TMTC2: variants seen among roughly 807,000 people sequenced by gnomAD.
The protein encoded by TMTC2 is protein O-mannosyl-transferase TMTC2.
A neutral mutation model predicts 82.4 loss-of-function variants in TMTC2; 43 were observed. That is an observed-to-expected ratio of 0.52 (90% CI 0.41 to 0.67). TMTC2 has a LOEUF of 0.67. Ranked by LOEUF, TMTC2 falls within the 30% of genes least tolerant of loss-of-function variation. The probability of loss-of-function intolerance (pLI) is 0.00; values close to 1 mark genes in which losing one functional copy is unlikely to be tolerated. For missense variants in TMTC2, 919 were observed against 1,012.4 expected (o/e 0.91, Z 1.25); for synonymous variants, 408 against 381.9 (o/e 1.07, Z -0.80).
At chr12:82,797,395 T>C (rs1190494212) in intron 1 of TMTC2, among the ~76,000 whole-genome samples, 1 of 152,152 alleles carries the variant, frequency 6.6e-6, no homozygotes, top group Non-Finnish European at 1.5e-5. Flanking sequence ...TGTTATGTAC[T>C]TCAGAGAAAT....
chr12:82,926,451 T>G (rs889123961), intron 3 of TMTC2, among the ~76,000 whole-genome samples: 1 of 152,180 alleles, frequency 6.6e-6, no homozygotes, highest in South Asian at 2.1e-4. Context: ...TTCATTAGGT[T>G]GAAGGAAAGA....
chr12:83,118,947 G>A (rs896555283), intron 11 of TMTC2, among the ~76,000 whole-genome samples: 1 of 152,096 alleles, frequency 6.6e-6, no homozygotes, highest in Non-Finnish European at 1.5e-5. Context: ...GTACATAAAC[G>A]TGTTCATAGT....
intron 11 of TMTC2, among the ~76,000 whole-genome samples, chr12:83,120,686 G>T (rs1884920510): frequency 6.6e-6 from 1 of 152,070 alleles, no homozygotes; most frequent in African/African-American, 2.4e-5. Flanking sequence ...TCTTGTATTT[G>T]GTTGTCTAGG....
intron 8 of TMTC2, among the ~76,000 whole-genome samples, chr12:83,006,998 T>C (rs781702469): frequency 6.6e-6 from 1 of 152,110 alleles, no homozygotes; most frequent in Non-Finnish European, 1.5e-5. Context: ...AATGACGAGT[T>C]GATGGGTGCT....
intron 1 of TMTC2, among the ~76,000 whole-genome samples, chr12:82,805,200 G>A (rs1879185395): frequency 6.6e-6 from 1 of 152,094 alleles, no homozygotes; most frequent in Non-Finnish European, 1.5e-5. Context: ...TGCTGAGAAA[G>A]GTAAAAATAC....
At chr12:82,892,298 A>G (rs1018744931) in intron 2 of TMTC2, among the ~76,000 whole-genome samples, 18 of 151,986 alleles carry the variant, frequency 1.2e-4, no homozygotes, top group Non-Finnish European at 2.6e-4. Flanking sequence ...TTTTTATGTC[A>G]TTTTCATTTT....
At chr12:82,755,646 G>A (rs1876268447) in intron 1 of TMTC2, among the ~76,000 whole-genome samples, 1 of 152,120 alleles carries the variant, frequency 6.6e-6, no homozygotes, top group African/African-American at 2.4e-5. Flanking sequence ...GAATCCTGAG[G>A]ACCTAGTCTG....
At chr12:82,905,244 A>G (rs924348649) in intron 3 of TMTC2, among the ~76,000 whole-genome samples, 2 of 152,200 alleles carry the variant, frequency 1.3e-5, no homozygotes, top group Non-Finnish European at 2.9e-5. Flanking sequence ...AAAGTTATAG[A>G]TAAGCAGATC....
chr12:82,735,853 G>A (rs963620946), intron 1 of TMTC2, among the ~76,000 whole-genome samples: 6 of 151,940 alleles, frequency 3.9e-5, no homozygotes, highest in Non-Finnish European at 5.9e-5. Flanking sequence ...TGGCGTGGTG[G>A]TAGGCACTAC....
intron 1 of TMTC2, among the ~76,000 whole-genome samples, chr12:82,780,177 G>T (rs1353759395): frequency 6.6e-6 from 1 of 152,148 alleles, no homozygotes; most frequent in East Asian, 1.9e-4. Flanking sequence ...CACAGTATAA[G>T]ATTTTTGCTA....
At chr12:82,845,513 A>G (rs1478723132) in intron 1 of TMTC2, among the ~76,000 whole-genome samples, 4 of 151,888 alleles carry the variant, frequency 2.6e-5, no homozygotes, top group Admixed American at 1.3e-4. Context: ...TATCCCTTCT[A>G]GTTGTTTCTA....
intron 2 of TMTC2, among the ~76,000 whole-genome samples, chr12:82,859,949 A>G (rs1592581279): frequency 6.6e-6 from 1 of 152,154 alleles, no homozygotes; most frequent in East Asian, 1.9e-4. Flanking sequence ...AACATTGGAG[A>G]TAACACATTT....
intron 1 of TMTC2, among the ~76,000 whole-genome samples, chr12:82,852,640 G>A (rs1194853883): frequency 3.9e-5 from 6 of 152,138 alleles, no homozygotes; most frequent in Admixed American, 6.5e-5. Context: ...TGTTTCATTA[G>A]CTGTGAAACA....
At chr12:82,768,126 G>A (rs979781747) in intron 1 of TMTC2, among the ~76,000 whole-genome samples, 7 of 152,150 alleles carry the variant, frequency 4.6e-5, no homozygotes, top group East Asian at 1.9e-4. Context: ...GTACAGGAGC[G>A]CTAATTGATA....
chr12:83,127,446 C>G (rs1345450552), intron 11 of TMTC2, among the ~76,000 whole-genome samples: 1 of 152,024 alleles, frequency 6.6e-6, no homozygotes, highest in Non-Finnish European at 1.5e-5. Flanking sequence ...CAATGGGATA[C>G]AAGAGAGCCC....
intron 1 of TMTC2, among the ~76,000 whole-genome samples, chr12:82,794,059 G>A: frequency 6.6e-6 from 1 of 152,216 alleles, no homozygotes; most frequent in East Asian, 1.9e-4. Flanking sequence ...GCTCCAGGGT[G>A]CTTCAGTCAC....
chr12:82,954,127 A>G (rs1877488966), intron 4 of TMTC2, among the ~76,000 whole-genome samples: 1 of 152,120 alleles, frequency 6.6e-6, no homozygotes, highest in South Asian at 2.1e-4. Flanking sequence ...GATGCTTCCT[A>G]CATAGATTTT....
intron 2 of TMTC2, among the ~76,000 whole-genome samples, chr12:82,873,116 G>T (rs561896053): frequency 6.6e-6 from 1 of 152,042 alleles, no homozygotes; most frequent in East Asian, 1.9e-4. Flanking sequence ...TATTGATTTT[G>T]AGTGTATTCA....
intron 1 of TMTC2, among the ~76,000 whole-genome samples, chr12:82,810,865 C>T (rs1022446195): frequency 4.6e-5 from 7 of 152,204 alleles, no homozygotes; most frequent in Middle Eastern, 3.4e-3. Flanking sequence ...GAAGAAGGTG[C>T]GTTGCTTCCC....
Sources: gnomAD v4.1 joint callset for allele counts (sites outside exome capture counted in the v4.1 genomes callset) on GRCh38, gnomAD v4.1.1 for gene constraint, MANE v1.5 for transcripts, NCBI Gene and HGNC (gene_info 2026-07-23, HGNC 2026-07-21) for gene names.